The following CCDC186 variants were observed in gnomAD, a reference collection of about 807,000 sequenced individuals.
CCDC186 encodes the protein coiled-coil domain containing 186, also known as coiled-coil domain-containing protein 186.
CCDC186 carries 49 observed loss-of-function variants against 113.7 expected under a neutral mutation model. That is an observed-to-expected ratio of 0.43 (90% CI 0.34 to 0.55). The LOEUF (loss-of-function observed/expected upper bound fraction) is 0.55. CCDC186 is among the 20% of genes least tolerant of loss of function. The pLI, the probability that CCDC186 is intolerant of heterozygous loss-of-function variation, is 0.02. For synonymous variants in CCDC186, 355 were observed against 345.8 expected, an observed-to-expected ratio of 1.03 and a Z score of -0.30; for missense variants, 890 against 1,011.1, an observed-to-expected ratio of 0.88 and a Z score of 1.62.
At chr10:114,161,731 T>C (rs1028860541) in intron 2 of CCDC186, 5 of 152,130 alleles carry the variant, frequency 3.3e-5, no homozygotes, top group Admixed American at 2.6e-4. Flanking sequence ...GAAGAGATAC[T>C]TGCAAACCCA....
At chr10:114,161,060 T>C (rs1482204853) in intron 2 of CCDC186, among the ~76,000 whole-genome samples, 4 of 152,216 alleles carry the variant, frequency 2.6e-5, no homozygotes, top group African/African-American at 9.6e-5. Flanking sequence ...ATCAGAATTA[T>C]GATTATTCCA....
At chr10:114,154,027 T>C (rs974660507) in intron 3 of CCDC186, among the ~76,000 whole-genome samples, 47 of 151,114 alleles carry the variant, frequency 3.1e-4, no homozygotes, top group African/African-American at 1.1e-3. Flanking sequence ...CTGGGAAACA[T>C]AGTGAAAACC....
At chr10:114,149,984 A>C (rs1336038217) in intron 4 of CCDC186, among the ~76,000 whole-genome samples, 1 of 152,194 alleles carries the variant, frequency 6.6e-6, no homozygotes, top group African/African-American at 2.4e-5. Flanking sequence ...TTGGTACAAA[A>C]GGGTTCAGAA....
chr10:114,157,470 G>A (rs1040423455), intron 3 of CCDC186, 84 bp downstream of exon 3: 7 of 1,321,778 alleles, frequency 5.3e-6, no homozygotes, highest in Middle Eastern at 4.8e-4. Flanking sequence ...ACGATTACAG[G>A]CATGAGCTGC....
At chr10:114,138,450 C>T (rs2031353990) in intron 6 of CCDC186, among the ~76,000 whole-genome samples, 1 of 151,466 alleles carries the variant, frequency 6.6e-6, no homozygotes, top group Non-Finnish European at 1.5e-5. Flanking sequence ...TGTGCCACCA[C>T]ATTCAGCTAA....
chr10:114,131,342 T>C lies in CCDC186; in HGVS notation c.1912-6A>G, dbSNP rs73354398. 558 of 1,545,714 alleles carry C rather than the reference T, an allele frequency of 3.6e-4. 4 individuals carry two copies. In the African/African-American group the frequency reaches 7.0e-3, roughly 19 times the overall value. ...TCTTTCAACAACCTACTTTCCTGAA[T>C]AGTAAGTAAAACAAAAACCACCAAT... On this transcript the variant is annotated splice_region_variant and splice_polypyrimidine_tract_variant and intron_variant, in intron 11 of 15. Coordinates refer to ENST00000369287, the MANE Select transcript of CCDC186 (RefSeq NM_018017.4).
rs1320701463 is a variant in CCDC186, at chr10:114,131,226, T to C, written c.2022A>G (p.Glu674=). 2 of 1,601,854 alleles carry C rather than the reference T, an allele frequency of 1.2e-6. No individual in the cohort carries two copies. The highest frequency in any genetic ancestry group is 4.5e-5 in the East Asian group (2 of 43,988). Residue 674 remains glutamate (E), a synonymous_variant, in exon 12 of 16, where the codon GAA becomes GAG. Coordinates refer to ENST00000369287, the MANE Select transcript of CCDC186 (RefSeq NM_018017.4). ...GAGTTACTAACTCATCTTTTAATTCTTCTACCTGGGTACTCAATGCTTTAA... is the reference window on the plus strand; with the variant it reads ...GAGTTACTAACTCATCTTTTAATTCCTCTACCTGGGTACTCAATGCTTTAA... ...TEVKALSTQV[E]ELKDELVTQR... is the part of the protein sequence containing the mutation.
chr10:114,155,076 T>C (rs777988319), intron 3 of CCDC186, among the ~76,000 whole-genome samples: 4 of 152,176 alleles, frequency 2.6e-5, no homozygotes, highest in Non-Finnish European at 5.9e-5. Context: ...AGGGCAGGGT[T>C]GAGGGAGTAC....
intron 9 of CCDC186, 77 bp from the exon 10 acceptor site, chr10:114,135,132 T>G (rs377658272): frequency 7.4e-7 from 1 of 1,354,066 alleles, no homozygotes; most frequent in Non-Finnish European, 9.7e-7. Context: ...TGGTTACATA[T>G]GAATAATCTA....
At chr10:114,147,294 A>G (rs1056654877) in intron 4 of CCDC186, among the ~76,000 whole-genome samples, 1 of 152,230 alleles carries the variant, frequency 6.6e-6, no homozygotes, top group African/African-American at 2.4e-5. Context: ...AACAAACATT[A>G]TAATATGAAA....
intron 4 of CCDC186, among the ~76,000 whole-genome samples, chr10:114,147,363 G>A (rs975050681): frequency 6.6e-6 from 1 of 152,070 alleles, no homozygotes; most frequent in Non-Finnish European, 1.5e-5. Context: ...ACATCCCCTG[G>A]GAGGAGTTGG....
intron 1 of CCDC186, among the ~76,000 whole-genome samples, chr10:114,167,395 T>C (rs1372586061): frequency 6.6e-6 from 1 of 152,092 alleles, no homozygotes; most frequent in Non-Finnish European, 1.5e-5. Context: ...TCACCATAAA[T>C]AGCTGCACAA....
chr10:114,148,257 A>G (rs1230904976), intron 4 of CCDC186, among the ~76,000 whole-genome samples: 1 of 152,212 alleles, frequency 6.6e-6, no homozygotes, highest in African/African-American at 2.4e-5. Flanking sequence ...GGTGCTTGTT[A>G]AAAGTTCACA....
At chr10:114,144,323 C>T (rs547467874) in intron 6 of CCDC186, among the ~76,000 whole-genome samples, 174 bp downstream of exon 6, 1 of 152,144 alleles carries the variant, frequency 6.6e-6, no homozygotes, top group East Asian at 1.9e-4. Context: ...CAGGTCCAAA[C>T]TAACTTGCAG....
At chr10:114,155,398 G>C (rs1589626032) in intron 3 of CCDC186, among the ~76,000 whole-genome samples, 1 of 152,154 alleles carries the variant, frequency 6.6e-6, no homozygotes, top group East Asian at 1.9e-4. Flanking sequence ...AAAGAAGCTG[G>C]GCGCAGTGGC....
intron 1 of CCDC186, among the ~76,000 whole-genome samples, chr10:114,163,903 CT>C (rs1030153448): frequency 6.6e-6 from 1 of 151,842 alleles, no homozygotes; most frequent in African/African-American, 2.4e-5. Flanking sequence ...TAAAGAATCC[CT>C]GGTAGAAATT....
In CCDC186 at chr10:114,124,181, C is replaced by T. The variant is rs574963259; in HGVS notation, c.*962G>A. On this transcript the variant is annotated 3_prime_UTR_variant, in exon 16 of 16. Transcript: ENST00000369287. ...TATGTTTTAAATAAATACACTGAAA[C>T]ATCACATTTGGGGGAACTGTATGAT... The T allele has an allele frequency of 1.3e-5, 2 of 152,242 alleles. No homozygotes were observed. The highest frequency in any genetic ancestry group is 2.1e-4 in the South Asian group (1 of 4,822). 9.4% of individuals were successfully genotyped at this position (152,242 alleles called of 1,614,324 possible).
intron 5 of CCDC186, 55 bp from the exon 6 acceptor site, chr10:114,144,671 T>A (rs2031582142): frequency 2.8e-6 from 4 of 1,443,688 alleles, no homozygotes; most frequent in Non-Finnish European, 2.8e-6. Context: ...ATTAATTATA[T>A]CTTTTATATT....
chr10:114,145,925 A>T (rs183561644), intron 4 of CCDC186, among the ~76,000 whole-genome samples, 164 bp from the exon 5 acceptor site: 1 of 152,352 alleles, frequency 6.6e-6, no homozygotes, highest in African/African-American at 2.4e-5. Context: ...GAAAAAATTT[A>T]AAATTATAGA....
Sources: gnomAD v4.1 joint callset for allele counts (sites outside exome capture counted in the v4.1 genomes callset) on GRCh38, gnomAD v4.1.1 for gene constraint, MANE v1.5 for transcripts, NCBI Gene and HGNC (gene_info 2026-07-23, HGNC 2026-07-21) for gene names.